Variants in GRIK3 observed in about 807,000 individuals in gnomAD.
GRIK3 encodes the protein glutamate receptor ionotropic, kainate 3.
Under a neutral mutation model 102.5 loss-of-function variants are expected in GRIK3, and 29 were observed. That is an observed-to-expected ratio of 0.28 (90% CI 0.21 to 0.39). The LOEUF is 0.39. Among genes scored for constraint, GRIK3 ranks in the 10% least tolerant of loss-of-function variants. The pLI is 1.00. For synonymous variants in GRIK3, 511 were observed against 504.9 expected, an observed-to-expected ratio of 1.01 and a Z score of -0.16; for missense variants, 908 against 1,252.4, an observed-to-expected ratio of 0.73 and a Z score of 4.15.
intron 1 of GRIK3, among the ~76,000 whole-genome samples, chr1:36,965,781 G>A (rs3894723): frequency 0.16 from 23,675 of 152,112 alleles, 2,945 homozygotes; most frequent in African/African-American, 0.36. Flanking sequence ...ACATTTGCAA[G>A]GAGGGTAATT....
chr1:36,865,947 T>G (rs1161266400), intron 5 of GRIK3, among the ~76,000 whole-genome samples: 1 of 152,222 alleles, frequency 6.6e-6, no homozygotes, highest in East Asian at 1.9e-4. Context: ...CGGCACAATC[T>G]TAGCTCACGG....
At chr1:36,901,133 C>G (rs765289798) in intron 1 of GRIK3, among the ~76,000 whole-genome samples, 1 of 152,178 alleles carries the variant, frequency 6.6e-6, no homozygotes, top group Non-Finnish European at 1.5e-5. Flanking sequence ...TACAAATTCT[C>G]TACACTCTAT....
chr1:37,030,308 C>A (rs1642807760), intron 1 of GRIK3, among the ~76,000 whole-genome samples: 1 of 152,166 alleles, frequency 6.6e-6, no homozygotes, highest in Non-Finnish European at 1.5e-5. Flanking sequence ...ACAGCGGCTC[C>A]CAAACTCAAG....
chr1:36,964,098 G>A (rs1438933660), intron 1 of GRIK3, among the ~76,000 whole-genome samples: 1 of 152,210 alleles, frequency 6.6e-6, no homozygotes, highest in African/African-American at 2.4e-5. Context: ...GAAGCCGTGG[G>A]CCTGGCCTGG....
At chr1:36,971,008 C>T (rs891125295) in intron 1 of GRIK3, among the ~76,000 whole-genome samples, 2 of 152,198 alleles carry the variant, frequency 1.3e-5, no homozygotes, top group African/African-American at 4.8e-5. Flanking sequence ...TGAGACACCA[C>T]CAGCCAGGCA....
chr1:36,879,365 A>T (rs1414576330), intron 3 of GRIK3, among the ~76,000 whole-genome samples: 1 of 152,148 alleles, frequency 6.6e-6, no homozygotes, highest in South Asian at 2.1e-4. Context: ...GTGGTGCTGC[A>T]TGCCTATAGT....
chr1:36,844,497 G>A (rs1041997827), intron 9 of GRIK3, among the ~76,000 whole-genome samples: 3 of 152,192 alleles, frequency 2.0e-5, no homozygotes, highest in African/African-American at 7.2e-5. Context: ...TGATGCTCTT[G>A]TGCAATGGAC....
chr1:36,937,684 T>G (rs1293783168), intron 1 of GRIK3, among the ~76,000 whole-genome samples: 2 of 151,074 alleles, frequency 1.3e-5, no homozygotes, highest in Non-Finnish European at 2.9e-5. Context: ...TAAGTAAGAC[T>G]CAAAAGAAAA....
chr1:36,982,378 G>C (rs539116177), intron 1 of GRIK3, among the ~76,000 whole-genome samples: 1 of 152,214 alleles, frequency 6.6e-6, no homozygotes, highest in Non-Finnish European at 1.5e-5. Flanking sequence ...CCATCCAGAG[G>C]AGCTGGGAGG....
At chr1:36,996,750 CA>C (rs1642423360) in intron 1 of GRIK3, among the ~76,000 whole-genome samples, 1 of 152,166 alleles carries the variant, frequency 6.6e-6, no homozygotes. Context: ...AGAACTTGGT[CA>C]CGTGTGGAGG....
In GRIK3 at chr1:36,965,821, T is replaced by C. The variant is rs187507366; in HGVS notation, c.115+68173A>G. Among the ~76,000 whole-genome samples, 60 of 152,302 alleles carry C rather than the reference T, an allele frequency of 3.9e-4. 1 individual carries two copies. Among genetic ancestry groups the C allele is most frequent in the Admixed American group, 3.8e-3 (58 of 15,304 alleles). On this transcript the variant is annotated intron_variant, in intron 1 of 15. Coordinates refer to ENST00000373091, the MANE Select transcript of GRIK3 (RefSeq NM_000831.4). ...CAAAAATACTATTTGTTTCCCAATT[T>C]ACAAGCAATTACACATGATTTACAG...
In GRIK3 at chr1:36,804,937, C is replaced by T. The variant is rs370542270; in HGVS notation, c.2565+50G>A. On this transcript the variant is annotated intron_variant, in intron 15 of 15. Transcript: ENST00000373091. ...CTGGCACATACAGGAGTGAAATCAG[C>T]GCGAATCTCCATTTCCCATCCTGTG... 81 of 1,597,940 alleles carry T rather than the reference C, an allele frequency of 5.1e-5. No homozygotes were observed. The African/African-American group carries it at 8.7e-4, about 17-fold the overall frequency.
chr1:36,846,871 A>G (rs528717530), intron 9 of GRIK3, among the ~76,000 whole-genome samples: 3 of 152,330 alleles, frequency 2.0e-5, no homozygotes, highest in South Asian at 2.1e-4. Flanking sequence ...GGAGACTCCA[A>G]GGACACTTCT....
At chr1:36,993,239 C>T (rs913658111) in intron 1 of GRIK3, among the ~76,000 whole-genome samples, 1 of 152,110 alleles carries the variant, frequency 6.6e-6, no homozygotes, top group Non-Finnish European at 1.5e-5. Context: ...CCTGAGAGTA[C>T]CACTTTGCCT....
At chr1:36,985,885 C>T (rs1001677690) in intron 1 of GRIK3, among the ~76,000 whole-genome samples, 2 of 152,164 alleles carry the variant, frequency 1.3e-5, no homozygotes, top group African/African-American at 4.8e-5. Flanking sequence ...CAGAGTAGGA[C>T]CCAGCAATGA....
At chr1:36,910,914 G>T (rs1458880857) in intron 1 of GRIK3, among the ~76,000 whole-genome samples, 1 of 152,302 alleles carries the variant, frequency 6.6e-6, no homozygotes, top group East Asian at 1.9e-4. Context: ...AACTCAAAAC[G>T]CTGTCAAGGT....
intron 1 of GRIK3, among the ~76,000 whole-genome samples, chr1:37,012,866 C>A (rs562638897): frequency 1.3e-5 from 2 of 152,196 alleles, no homozygotes; most frequent in Non-Finnish European, 2.9e-5. Flanking sequence ...GAGGATCAAA[C>A]AAGACACTCA....
At chr1:37,012,725 T>G (rs919800485) in intron 1 of GRIK3, among the ~76,000 whole-genome samples, 4 of 152,222 alleles carry the variant, frequency 2.6e-5, no homozygotes, top group African/African-American at 9.6e-5. Flanking sequence ...CAGATGTGAC[T>G]TCAAGACTTT....
chr1:36,885,224 T>C (rs1216321589), intron 2 of GRIK3, among the ~76,000 whole-genome samples: 1 of 152,096 alleles, frequency 6.6e-6, no homozygotes, highest in Admixed American at 6.5e-5. Context: ...ACTGTAGTGG[T>C]GATAATGACA....
Sources: gnomAD v4.1 joint callset for allele counts (sites outside exome capture counted in the v4.1 genomes callset) on GRCh38, gnomAD v4.1.1 for gene constraint, MANE v1.5 for transcripts, NCBI Gene and HGNC (gene_info 2026-07-23, HGNC 2026-07-21) for gene names.